The following TRMT2B variants were observed in gnomAD, a reference collection of about 807,000 sequenced individuals.
TRMT2B encodes tRNA (uracil-5-)-methyltransferase homolog B.
In TRMT2B, 34 loss-of-function variants were observed where a neutral mutation model predicts 39.7. That is an observed-to-expected ratio of 0.86 (90% confidence interval 0.65 to 1.14). TRMT2B has a LOEUF of 1.14. Ranked by LOEUF, TRMT2B falls within the 50% of genes most tolerant of loss-of-function variation. The pLI, the probability that TRMT2B is intolerant of heterozygous loss-of-function variation, is 0.00. For missense variants in TRMT2B, 318 were observed against 377.2 expected, an observed-to-expected ratio of 0.84 and a Z score of 1.30; for synonymous variants, 132 against 137.3, an observed-to-expected ratio of 0.96 and a Z score of 0.27.
chrX:100,973,372 T>G, the TRMT2B span, among the ~76,000 whole-genome samples: 1 of 98,867 alleles, frequency 1.0e-5, no homozygotes, highest in Non-Finnish European at 2.1e-5. Flanking sequence ...CGGCTGCTCC[T>G]TGCCCTCGGG....
chrX:101,043,948 T>C (rs2088419176), intron 2 of TRMT2B, among the ~76,000 whole-genome samples: 1 of 111,605 alleles, frequency 9.0e-6, no homozygotes, highest in Non-Finnish European at 1.9e-5. Flanking sequence ...AGGAGGCTGA[T>C]AAAAAGCAAG....
At chrX:101,019,111 C>T in intron 12 of TRMT2B, 41 bp from the exon 13 acceptor site, 1 of 1,099,078 alleles carries the variant, frequency 9.1e-7, no homozygotes, top group Non-Finnish European at 1.3e-6. Flanking sequence ...AATTAACTAC[C>T]ATGGTCTCTG....
downstream of TRMT2B, among the ~76,000 whole-genome samples, chrX:101,004,348 A>G (rs907431507): frequency 9.1e-6 from 1 of 110,350 alleles, no homozygotes; most frequent in Non-Finnish European, 1.9e-5. Flanking sequence ...GAAAAAAAAA[A>G]CCATATTTTG....
chrX:101,006,922 TAATAGAC>T (rs985861225), downstream of TRMT2B, among the ~76,000 whole-genome samples: 3 of 111,974 alleles, frequency 2.7e-5, no homozygotes, highest in African/African-American at 9.7e-5. Context: ...ATTGCACACT[TAATAGAC>T]TATAGTATAA....
intron 13 of TRMT2B, among the ~76,000 whole-genome samples, 169 bp from the exon 14 acceptor site, chrX:101,010,876 T>C (rs2086219173): frequency 8.9e-6 from 1 of 112,101 alleles, no homozygotes. Context: ...CCATCTTCCT[T>C]ACTGAATTTT....
intron 13 of TRMT2B, among the ~76,000 whole-genome samples, chrX:101,018,562 G>A (rs1359300190): frequency 9.2e-6 from 1 of 108,339 alleles, no homozygotes; most frequent in Non-Finnish European, 1.9e-5. Flanking sequence ...CGATTCTCCT[G>A]TCTCAACCAC....
At chrX:101,002,384 TA>T in the TRMT2B span, among the ~76,000 whole-genome samples, 1 of 112,474 alleles carries the variant, frequency 8.9e-6, no homozygotes, top group Non-Finnish European at 1.9e-5. Context: ...CTTCTTGCTC[TA>T]AAAATTGGTA....
intron 11 of TRMT2B, 75 bp downstream of exon 11, chrX:101,020,412 T>C: frequency 1.1e-6 from 1 of 917,153 alleles, no homozygotes; most frequent in Non-Finnish European, 1.6e-6. Context: ...GTAGTTGCCT[T>C]TTCCCACACA....
chrX:101,021,457 C>T, intron 9 of TRMT2B, 142 bp from the exon 10 acceptor site: 1 of 486,762 alleles, frequency 2.1e-6, no homozygotes, highest in Non-Finnish European at 3.4e-6. Context: ...GGTGAAATCT[C>T]ATCTCTACTG....
rs188172862 is a variant in TRMT2B at position 101,010,542 on chromosome X, C to G, written c.*39G>C. On this transcript the variant is annotated 3_prime_UTR_variant, in exon 14 of 14. Coordinates refer to ENST00000372936, the MANE Select transcript of TRMT2B (RefSeq NM_024917.6). Reference sequence around the variant, plus strand: ...CCAAACCTGAAAGTTTCTGAAACTTCAGCCTTAACAAATAGCCTGCTGTCT... The same window carrying G: ...CCAAACCTGAAAGTTTCTGAAACTTGAGCCTTAACAAATAGCCTGCTGTCT... The G allele has an allele frequency of 3.8e-5, 46 of 1,202,368 alleles. 1 individual carries two copies. In the East Asian group the frequency reaches 5.3e-4, roughly 14 times the overall value.
chrX:101,014,157 T>A (rs2086401852), intron 13 of TRMT2B, among the ~76,000 whole-genome samples: 1 of 111,754 alleles, frequency 8.9e-6, no homozygotes, highest in South Asian at 3.7e-4. Flanking sequence ...AAAGGAGAGC[T>A]AGTATGTACA....
the TRMT2B span, among the ~76,000 whole-genome samples, chrX:100,983,306 A>C: frequency 1.8e-5 from 2 of 111,478 alleles, no homozygotes; most frequent in Non-Finnish European, 3.8e-5. Flanking sequence ...AAAAATATAT[A>C]AAGCTTTTCT....
At chrX:101,025,684 C>T (rs928712150) in intron 7 of TRMT2B, among the ~76,000 whole-genome samples, 2 of 111,750 alleles carry the variant, frequency 1.8e-5, no homozygotes, top group African/African-American at 6.5e-5. Context: ...TTCCACTGGG[C>T]GTGATCCCTC....
the TRMT2B span, among the ~76,000 whole-genome samples, chrX:100,984,858 CATTT>C: frequency 1.8e-5 from 2 of 112,190 alleles, no homozygotes; most frequent in South Asian, 7.5e-4. Flanking sequence ...TTCATTCATT[CATTT>C]ATCAGATTAA....
chrX:100,981,196 C>T, the TRMT2B span, among the ~76,000 whole-genome samples: 106 of 111,779 alleles, frequency 9.5e-4, 1 homozygote, highest in East Asian at 0.028. Context: ...ATTTAGCACC[C>T]CAGAGCACTT....
At chrX:101,030,849 C>T (rs1416831181) in intron 7 of TRMT2B, among the ~76,000 whole-genome samples, 2 of 111,072 alleles carry the variant, frequency 1.8e-5, no homozygotes, top group African/African-American at 6.6e-5. Context: ...TTTATAGGAA[C>T]TGAATAACCT....
the TRMT2B span, among the ~76,000 whole-genome samples, chrX:100,973,453 TG>T: frequency 9.3e-6 from 1 of 107,992 alleles, no homozygotes; most frequent in Non-Finnish European, 1.9e-5. Flanking sequence ...CGGCAAAGAC[TG>T]AGACAGCTCC....
At chrX:101,032,280 C>CA (rs2087522393) in intron 7 of TRMT2B, among the ~76,000 whole-genome samples, 1 of 101,719 alleles carries the variant, frequency 9.8e-6, no homozygotes. Flanking sequence ...AGTGAGACCC[C>CA]TCTCAAAAAA....
At chrX:101,020,320 G>A (rs1340922776) in intron 11 of TRMT2B, among the ~76,000 whole-genome samples, 167 bp downstream of exon 11, 1 of 111,411 alleles carries the variant, frequency 9.0e-6, no homozygotes, top group African/African-American at 3.3e-5. Flanking sequence ...ACCTATTCCA[G>A]AAAACCATGA....
Sources: gnomAD v4.1 joint callset for allele counts (sites outside exome capture counted in the v4.1 genomes callset) on GRCh38, gnomAD v4.1.1 for gene constraint, MANE v1.5 for transcripts, NCBI Gene and HGNC (gene_info 2026-07-23, HGNC 2026-07-21) for gene names.